PTGER3: variants seen among roughly 807,000 people sequenced by gnomAD.
The protein encoded by PTGER3 is prostaglandin E2 receptor EP3 subtype.
Under a neutral mutation model 34.7 loss-of-function variants are expected in PTGER3, and 22 were observed. The ratio of observed to expected loss-of-function variants is 0.63; its 90% CI spans 0.45 to 0.91. The LOEUF (loss-of-function observed/expected upper bound fraction) is 0.91, where lower values mean the gene tolerates loss of function less well. Among genes scored for constraint, PTGER3 ranks in the 40% least tolerant of loss-of-function variants. The probability of loss-of-function intolerance (pLI) is 0.00; values close to 1 mark genes in which losing one functional copy is unlikely to be tolerated. For missense variants in PTGER3, 468 were observed against 519.4 expected (o/e 0.90, Z 0.96); for synonymous variants, 241 against 230.1 (o/e 1.05, Z -0.43).
intron 2 of PTGER3, among the ~76,000 whole-genome samples, chr1:70,989,937 A>G (rs1655278030): frequency 6.6e-6 from 1 of 151,900 alleles, no homozygotes; most frequent in Non-Finnish European, 1.5e-5. Flanking sequence ...ACATATATAC[A>G]TGTATTTGTA....
At chr1:70,919,198 T>C (rs1329661055) in intron 4 of PTGER3, among the ~76,000 whole-genome samples, 2 of 152,134 alleles carry the variant, frequency 1.3e-5, no homozygotes, top group African/African-American at 2.4e-5. Flanking sequence ...TGTCCAGCAA[T>C]TTAGTCTGTT....
At chr1:70,950,074 G>C (rs1017427725), downstream of PTGER3, among the ~76,000 whole-genome samples, 2 of 152,140 alleles carry the variant, frequency 1.3e-5, no homozygotes, top group Non-Finnish European at 2.9e-5. Flanking sequence ...CACGAAGAAG[G>C]GTCAGGAAAA....
At chr1:70,952,029 A>G (rs1320835170), downstream of PTGER3, among the ~76,000 whole-genome samples, 2 of 152,144 alleles carry the variant, frequency 1.3e-5, no homozygotes, top group East Asian at 3.9e-4. Flanking sequence ...GCATGTGCAA[A>G]GAACCTGGGG....
At chr1:70,876,763 G>A (rs1646281838) in intron 4 of PTGER3, among the ~76,000 whole-genome samples, 1 of 152,112 alleles carries the variant, frequency 6.6e-6, no homozygotes, top group Non-Finnish European at 1.5e-5. Flanking sequence ...CAAGATGCCT[G>A]TAGGTCTGTG....
downstream of PTGER3, chr1:70,952,317 T>G (rs1280639602): frequency 1.1e-5 from 8 of 716,428 alleles, no homozygotes; most frequent in Non-Finnish European, 1.4e-5. Flanking sequence ...GATGGGGTTA[T>G]GAACCCTGCC....
intron 4 of PTGER3, among the ~76,000 whole-genome samples, chr1:70,939,408 G>T (rs946535715): frequency 1.3e-5 from 2 of 152,334 alleles, no homozygotes; most frequent in South Asian, 4.1e-4. Context: ...TCTGGAGGAA[G>T]GTGGCCCTCT....
At chr1:70,973,999 A>G (rs972359613) in intron 3 of PTGER3, among the ~76,000 whole-genome samples, 1 of 152,150 alleles carries the variant, frequency 6.6e-6, no homozygotes, top group African/African-American at 2.4e-5. Flanking sequence ...TTAACATACT[A>G]CTGGAAACTG....
At chr1:70,891,537 A>T (rs1326612492) in intron 4 of PTGER3, among the ~76,000 whole-genome samples, 1 of 152,178 alleles carries the variant, frequency 6.6e-6, no homozygotes, top group Admixed American at 6.5e-5. Context: ...AAAAAAAAGA[A>T]AAATTTGTCC....
At chr1:70,998,722 C>T (rs115066205) in intron 2 of PTGER3, among the ~76,000 whole-genome samples, 1,603 of 152,192 alleles carry the variant, frequency 0.011, 40 homozygotes, top group African/African-American at 0.037. Context: ...CATCACAGTC[C>T]GGAAATTCTC....
chr1:71,036,817 T>C (rs1659872155), intron 1 of PTGER3, among the ~76,000 whole-genome samples: 1 of 148,914 alleles, frequency 6.7e-6, no homozygotes, highest in South Asian at 2.2e-4. Flanking sequence ...CCAGCCTGGG[T>C]GACAGAACGA....
At chr1:71,011,524 A>G in intron 2 of PTGER3, 1 of 985,198 alleles carries the variant, frequency 1.0e-6, no homozygotes, top group Non-Finnish European at 1.2e-6. Flanking sequence ...TAGAAATGTA[A>G]AATATATTCA....
chr1:70,852,584 T>A (rs1392217315), exon 5 of PTGER3: 7 of 529,838 alleles, frequency 1.3e-5, no homozygotes, highest in African/African-American at 2.0e-5. Flanking sequence ...CATATGATAA[T>A]GTATACGCAA....
At chr1:70,987,291 C>A (rs1020045627) in intron 2 of PTGER3, among the ~76,000 whole-genome samples, 6 of 152,078 alleles carry the variant, frequency 3.9e-5, no homozygotes, top group Non-Finnish European at 7.4e-5. Flanking sequence ...TGTCTAAAGA[C>A]AAATTAAGTC....
At chr1:70,886,622 A>G (rs1159075482) in intron 4 of PTGER3, among the ~76,000 whole-genome samples, 1 of 151,790 alleles carries the variant, frequency 6.6e-6, no homozygotes, top group African/African-American at 2.4e-5. Flanking sequence ...TCTTCTCTTC[A>G]CTCCCACATC....
intron 4 of PTGER3, among the ~76,000 whole-genome samples, chr1:70,927,020 AG>A (rs1409811460): frequency 2.6e-5 from 4 of 152,276 alleles, no homozygotes; most frequent in Non-Finnish European, 5.9e-5. Context: ...CTTGCATCTC[AG>A]GGATGAAGCC....
At chr1:71,002,114 T>A (rs922779556) in intron 2 of PTGER3, 6 of 151,774 alleles carry the variant, frequency 4.0e-5, no homozygotes, top group African/African-American at 2.4e-5. Context: ...ATAAAAAAAA[T>A]AAGCCTAGTG....
intron 4 of PTGER3, among the ~76,000 whole-genome samples, chr1:70,878,184 C>T (rs929849866): frequency 3.9e-5 from 6 of 152,058 alleles, no homozygotes; most frequent in African/African-American, 1.4e-4. Context: ...TCAGTTTCTT[C>T]CTAGTTCAAT....
intron 4 of PTGER3, among the ~76,000 whole-genome samples, chr1:70,935,469 T>C (rs1019178549): frequency 6.6e-6 from 1 of 152,008 alleles, no homozygotes; most frequent in Non-Finnish European, 1.5e-5. Context: ...TTGTGCCTTA[T>C]TGGGAGAGTC....
At chr1:70,989,038 C>A (rs558087964) in intron 2 of PTGER3, among the ~76,000 whole-genome samples, 2 of 152,172 alleles carry the variant, frequency 1.3e-5, no homozygotes, top group East Asian at 1.9e-4. Flanking sequence ...TAATTCCCCC[C>A]CCAAAACTTG....
Sources: allele counts gnomAD v4.1 joint callset (sites outside exome capture counted in the v4.1 genomes callset), GRCh38; gene constraint gnomAD v4.1.1; transcripts MANE v1.5; gene names NCBI Gene and HGNC (gene_info 2026-07-23, HGNC 2026-07-21).